Variants in IFT172 observed in about 807,000 individuals in gnomAD.
IFT172 encodes the protein intraflagellar transport protein 172 homolog.
Under a neutral mutation model 248.9 loss-of-function variants are expected in IFT172, and 164 were observed. The observed-to-expected ratio is 0.66, with a 90% confidence interval of 0.58 to 0.75. The LOEUF (loss-of-function observed/expected upper bound fraction) is 0.75, where lower values mean the gene tolerates loss of function less well. IFT172 is among the 30% of genes least tolerant of loss of function. The pLI is 0.00. For missense variants in IFT172, 1,950 were observed against 2,192.4 expected, an observed-to-expected ratio of 0.89 and a Z score of 2.21; for synonymous variants, 729 against 791.6, an observed-to-expected ratio of 0.92 and a Z score of 1.33.
chr2:27,447,476 C>T (rs776049596), intron 42 of IFT172, 39 bp downstream of exon 42: 1 of 1,605,328 alleles, frequency 6.2e-7, no homozygotes, highest in Admixed American at 1.7e-5. Context: ...GCAGATGAGC[C>T]CTTCTGACTG....
Position 27,457,581 on chromosome 2 carries a change from A to G in IFT172, c.3228+58T>C. ...CAGAGTGAGACCCTTTCTGAAAAAA[A>G]GGAAAAACGTGGGAAAGAAGGATGG... On this transcript the variant is annotated intron_variant, in intron 29 of 47. Transcript: ENST00000260570. 2.0e-6 allele frequency: 3 copies of G among 1,482,390 alleles called. No homozygotes were observed. In the Admixed American group the frequency reaches 5.1e-5, roughly 25 times the overall value. The allele number at this position is 1,482,390 out of a possible 1,614,324, so 91.8% of individuals were successfully genotyped here.
In IFT172 at chr2:27,471,006, C is replaced by T; in HGVS notation, c.1614G>A (p.Leu538=). 1 of 1,614,004 alleles carries T rather than the reference C, an allele frequency of 6.2e-7. No homozygotes were observed. Among genetic ancestry groups the T allele is most frequent in the Non-Finnish European group, 8.5e-7 (1 of 1,179,988 alleles). Residue 538 remains leucine (L), a synonymous_variant, in exon 16 of 48, where the codon CTG becomes CTA. Coordinates refer to ENST00000260570, the MANE Select transcript of IFT172 (RefSeq NM_015662.3). ...YMQWVPGSDV[L]VAQNRNSLCV... The stretch of plus-strand genomic sequence containing the variant: ...ACAGACTGTTTCGGTTCTGAGCTAC[C>T]AGCACGTCACTTCCTGGGACCCACT...
At chr2:27,448,823 C>A (rs1290343615) in intron 40 of IFT172, 92 bp downstream of exon 40, 4 of 765,002 alleles carry the variant, frequency 5.2e-6, no homozygotes, top group Non-Finnish European at 9.7e-6. Context: ...AGGATAGAAT[C>A]CTCTGAGAAG....
At chr2:27,458,995 G>C in intron 25 of IFT172, 127 bp from the exon 26 acceptor site, 4 of 903,396 alleles carry the variant, frequency 4.4e-6, no homozygotes. Context: ...TAATAGAGAA[G>C]AAAAGATGAG....
chr2:27,461,736 T>C, intron 21 of IFT172, 23 bp downstream of exon 21: 2 of 1,614,056 alleles, frequency 1.2e-6, no homozygotes, highest in Non-Finnish European at 1.7e-6. Flanking sequence ...TCTGAACAAC[T>C]GTGGAGAAGA....
chr2:27,447,992 C>G, intron 40 of IFT172, 70 bp from the exon 41 acceptor site: 1 of 942,286 alleles, frequency 1.1e-6, no homozygotes, highest in South Asian at 1.3e-5. Context: ...GAAGTGGGGC[C>G]AAAGGGAGGA....
Position 27,450,113 on chromosome 2 carries a change from A to C in IFT172, c.3952-17T>G. The C allele has an allele frequency of 6.3e-7, 1 of 1,587,342 alleles. No individual in the cohort carries two copies. The highest frequency in any genetic ancestry group is 8.7e-7 in the Non-Finnish European group (1 of 1,155,730). ...TTCAGCTGCCTGAGTGGTTGAACAG[A>C]AGATGGAAATGGGTAGGAGAGACAA... On this transcript the variant is annotated splice_polypyrimidine_tract_variant and intron_variant, in intron 35 of 47. Coordinates refer to ENST00000260570, the MANE Select transcript of IFT172 (RefSeq NM_015662.3).
Position 27,489,306 on chromosome 2 carries a change from A to T in IFT172, c.39+309T>A, listed in dbSNP as rs527377837. ...GGGCACATGCATACTCGCTGCTTAC[A>T]TGTGCACCTCACCCTCTAATACGAG... On this transcript the variant is annotated intron_variant, in intron 1 of 47. Coordinates refer to ENST00000260570, the MANE Select transcript of IFT172 (RefSeq NM_015662.3). Among the ~76,000 whole-genome samples, 10 of 152,292 alleles carry T rather than the reference A, an allele frequency of 6.6e-5. No homozygotes were observed. The East Asian group carries it at 1.9e-3, about 29-fold the overall frequency.
intron 29 of IFT172, 29 bp from the exon 30 acceptor site, chr2:27,456,682 G>A (rs754277032): frequency 1.9e-6 from 3 of 1,604,314 alleles, no homozygotes; most frequent in African/African-American, 2.7e-5. Flanking sequence ...CAATAATCCT[G>A]CAATACAGAG....
rs1668267474 is a variant in IFT172, at chr2:27,480,255, A to C, written c.786-106T>G. 2.1e-6 allele frequency: 3 copies of C among 1,423,374 alleles called. No homozygotes were observed. The South Asian group carries it at 4.7e-5, about 22-fold the overall frequency. The allele number at this position is 1,423,374 out of a possible 1,614,324, so 88.2% of individuals were successfully genotyped here. A position where few individuals can be genotyped will look rare whatever the true frequency, so the allele number is the denominator to read the frequency against. ...GTCTTGCTATATCAGAAAAGAAAGG[A>C]AATAAAAAGAACAGACAAGCTAGGC... is the stretch of plus-strand genomic sequence containing the variant. On this transcript the variant is annotated intron_variant, in intron 8 of 47. Transcript: ENST00000260570.
chr2:27,481,843 T>C (rs946823251), intron 7 of IFT172, among the ~76,000 whole-genome samples: 4 of 151,770 alleles, frequency 2.6e-5, no homozygotes, highest in South Asian at 2.1e-4. Context: ...CCAGCATGTA[T>C]TGGAAATTTT....
In IFT172 at chr2:27,478,725, T is replaced by C. The variant is rs898218292; in HGVS notation, c.1006-569A>G. The stretch of plus-strand genomic sequence containing the variant: ...AATGCCTAACACTGCTGACACATAG[T>C]AGAGAATGAATAAATGTTTCTGGAA... On this transcript the variant is annotated intron_variant, in intron 10 of 47. Coordinates refer to ENST00000260570, the MANE Select transcript of IFT172 (RefSeq NM_015662.3). 2.6e-5 allele frequency among the ~76,000 whole-genome samples: 4 copies of C among 152,092 alleles called. No homozygotes were observed. The South Asian group carries it at 6.2e-4, about 24-fold the overall frequency.
intron 23 of IFT172, 149 bp from the exon 24 acceptor site, chr2:27,459,978 G>C: frequency 2.0e-6 from 2 of 1,018,966 alleles, no homozygotes; most frequent in Non-Finnish European, 2.9e-6. Context: ...GCACCAAGAG[G>C]TGTGGGGAAA....
rs775667782 is a variant in IFT172, at chr2:27,471,097, TG to T, written c.1525-3del. On this transcript the variant is annotated splice_polypyrimidine_tract_variant and splice_region_variant and intron_variant, in intron 15 of 47. Coordinates refer to ENST00000260570, the MANE Select transcript of IFT172 (RefSeq NM_015662.3). Reference sequence around the variant, plus strand: ...GCTTTCAATATCATACAGATGCAACTGAAGAAAGAAAAGGCAGGTAACACAA... The same window carrying T: ...GCTTTCAATATCATACAGATGCAACTAAGAAAGAAAAGGCAGGTAACACAA... The T allele has an allele frequency of 1.2e-6, 2 of 1,604,000 alleles. No individual in the cohort carries two copies. The highest frequency in any genetic ancestry group is 1.3e-5 in the African/African-American group (1 of 74,454).
chr2:27,458,285 G>A (rs1666340963), intron 26 of IFT172, 62 bp from the exon 27 acceptor site: 2 of 1,372,388 alleles, frequency 1.5e-6, no homozygotes, highest in East Asian at 4.6e-5. Flanking sequence ...AGGGCTTCAA[G>A]GAAACCTGCT....
At chr2:27,450,191 G>A in intron 35 of IFT172, 95 bp from the exon 36 acceptor site, 1 of 934,854 alleles carries the variant, frequency 1.1e-6, no homozygotes, top group Non-Finnish European at 1.7e-6. Flanking sequence ...TCCTCCAGAT[G>A]CCAACTTTTT....
rs996457166 is a variant in IFT172 at position 27,457,837 on chromosome 2, T to G, written c.3111+4A>C. On this transcript the variant is annotated splice_donor_region_variant and intron_variant, in intron 28 of 47. Coordinates refer to ENST00000260570, the MANE Select transcript of IFT172 (RefSeq NM_015662.3). Reference sequence around the variant, plus strand: ...AGATAGGGAGAGCCAGGAGAAGGGCTCACCTTGCCCAGATGTAGGTGTGTA... The same window carrying G: ...AGATAGGGAGAGCCAGGAGAAGGGCGCACCTTGCCCAGATGTAGGTGTGTA... 1.2e-6 allele frequency: 2 copies of G among 1,613,996 alleles called. No individual in the cohort carries two copies. The highest frequency in any genetic ancestry group is 1.7e-6 in the Non-Finnish European group (2 of 1,180,012).
chr2:27,478,239 C>T (rs1668110899), intron 10 of IFT172, 83 bp from the exon 11 acceptor site: 7 of 1,514,402 alleles, frequency 4.6e-6, no homozygotes, highest in Non-Finnish European at 6.3e-6. Flanking sequence ...CCCACCTCCA[C>T]AGCACTAAAC....
chr2:27,473,799 TTTTTTA>T (rs1407853151), intron 14 of IFT172, among the ~76,000 whole-genome samples: 2 of 152,032 alleles, frequency 1.3e-5, no homozygotes, highest in African/African-American at 2.4e-5. Context: ...AGAGAAGAAC[TTTTTTA>T]TTTTTATTTT....
Sources: allele counts gnomAD v4.1 joint callset (sites outside exome capture counted in the v4.1 genomes callset), GRCh38; gene constraint gnomAD v4.1.1; transcripts MANE v1.5; gene names NCBI Gene and HGNC (gene_info 2026-07-23, HGNC 2026-07-21).